MYO1D: variants seen among roughly 807,000 people sequenced by gnomAD.
The protein encoded by MYO1D is myosin ID.
A neutral mutation model predicts 122.0 loss-of-function variants in MYO1D; 83 were observed. The observed-to-expected ratio is 0.68, with a 90% CI of 0.57 to 0.82. MYO1D has a LOEUF of 0.82. MYO1D is among the 40% of genes least tolerant of loss of function. MYO1D has a pLI of 0.00. For synonymous variants in MYO1D, 464 were observed against 446.9 expected (o/e 1.04, Z -0.48); for missense variants, 1,157 against 1,269.5 (o/e 0.91, Z 1.35).
At chr17:32,622,390 G>C (rs1056492276) in intron 20 of MYO1D, among the ~76,000 whole-genome samples, 23 of 152,192 alleles carry the variant, frequency 1.5e-4, no homozygotes, top group Admixed American at 5.2e-4. Context: ...AGTGTTCTGG[G>C]AACAAGAGAG....
intron 16 of MYO1D, among the ~76,000 whole-genome samples, chr17:32,707,518 C>T (rs1170069106): frequency 6.6e-6 from 1 of 151,638 alleles, no homozygotes; most frequent in Non-Finnish European, 1.5e-5. Flanking sequence ...GTATGGAAGG[C>T]TACATGTATA....
chr17:32,764,161 A>C (rs1016098332), intron 8 of MYO1D, among the ~76,000 whole-genome samples: 1 of 152,222 alleles, frequency 6.6e-6, no homozygotes, highest in Non-Finnish European at 1.5e-5. Flanking sequence ...AAGTGAAATA[A>C]GCCAGGCACA....
chr17:32,845,681 G>A (rs1374038627), intron 1 of MYO1D, among the ~76,000 whole-genome samples: 2 of 152,100 alleles, frequency 1.3e-5, no homozygotes, highest in Non-Finnish European at 2.9e-5. Context: ...TAAATTAAAG[G>A]GAAATAAAAA....
chr17:32,855,378 T>C (rs1055708204), intron 1 of MYO1D, among the ~76,000 whole-genome samples: 6 of 152,182 alleles, frequency 3.9e-5, no homozygotes, highest in Non-Finnish European at 8.8e-5. Context: ...TCTTACACCA[T>C]AGATTAGTGT....
chr17:32,651,284 T>C (rs1245499466), intron 19 of MYO1D, among the ~76,000 whole-genome samples: 1 of 152,232 alleles, frequency 6.6e-6, no homozygotes, highest in Non-Finnish European at 1.5e-5. Context: ...TTTCCCAGCC[T>C]TGAGTTATTT....
chr17:32,547,238 GTCT>G (rs775477986), intron 21 of MYO1D, among the ~76,000 whole-genome samples: 35 of 152,102 alleles, frequency 2.3e-4, no homozygotes, highest in Non-Finnish European at 4.4e-4. Context: ...CAGCAATCAA[GTCT>G]TTTTTCATAT....
chr17:32,610,617 T>C (rs2150918255), intron 20 of MYO1D, among the ~76,000 whole-genome samples: 1 of 152,320 alleles, frequency 6.6e-6, no homozygotes, highest in African/African-American at 2.4e-5. Context: ...AGGTGCCTTG[T>C]CTACCTTGCA....
At chr17:32,725,475 C>A (rs369910517) in intron 14 of MYO1D, among the ~76,000 whole-genome samples, 1 of 151,046 alleles carries the variant, frequency 6.6e-6, no homozygotes, top group Non-Finnish European at 1.5e-5. Context: ...GAGCTGAGAT[C>A]GCGCCACTGC....
intron 16 of MYO1D, among the ~76,000 whole-genome samples, chr17:32,702,129 A>G (rs1035207939): frequency 6.6e-6 from 1 of 152,206 alleles, no homozygotes; most frequent in Non-Finnish European, 1.5e-5. Context: ...TAATCCTGAT[A>G]TAAGAACAGA....
At chr17:32,517,720 C>G (rs1220455299) in intron 21 of MYO1D, among the ~76,000 whole-genome samples, 3 of 152,158 alleles carry the variant, frequency 2.0e-5, no homozygotes, top group African/African-American at 7.2e-5. Context: ...CAATTAGCTG[C>G]CTGGGAACTG....
At position 32,614,291 on chromosome 17, in the gene MYO1D, A is replaced by T. The variant is rs556517477; in HGVS notation, c.2710-9050T>A. ...CACCCCGTCCAAAGCTATGCCTGAC[A>T]CACAAAGAACTTTCATGAAATTGTA... On this transcript the variant is annotated intron_variant, in intron 20 of 21. Transcript: ENST00000318217. Among the ~76,000 whole-genome samples the T allele has an allele frequency of 1.4e-4, 19 of 139,984 alleles. No homozygotes were observed. The South Asian group carries it at 4.1e-3, about 30-fold the overall frequency. The allele number at this position is 139,984 out of a possible 152,430, so 91.8% of individuals were successfully genotyped here.
chr17:32,785,545 A>G (rs1432726136), intron 1 of MYO1D, among the ~76,000 whole-genome samples: 4 of 152,154 alleles, frequency 2.6e-5, no homozygotes, highest in South Asian at 2.1e-4. Context: ...GCCTTTCACT[A>G]TCTCCTTAGA....
chr17:32,534,776 C>T (rs563821225), intron 21 of MYO1D, among the ~76,000 whole-genome samples: 1 of 152,242 alleles, frequency 6.6e-6, no homozygotes, highest in South Asian at 2.1e-4. Flanking sequence ...AAATCCCCCC[C>T]TTTTTCTCTT....
chr17:32,767,104 T>C (rs1000768503), intron 7 of MYO1D, among the ~76,000 whole-genome samples: 1 of 152,232 alleles, frequency 6.6e-6, no homozygotes, highest in African/African-American at 2.4e-5. Context: ...ATTATATAAA[T>C]GTTAATGAAA....
At chr17:32,596,648 GA>G (rs1177540123) in intron 21 of MYO1D, among the ~76,000 whole-genome samples, 1 of 152,200 alleles carries the variant, frequency 6.6e-6, no homozygotes, top group Non-Finnish European at 1.5e-5. Flanking sequence ...AGATATTAAA[GA>G]AGAACAAGAA....
intron 21 of MYO1D, among the ~76,000 whole-genome samples, chr17:32,545,086 T>C (rs747449760): frequency 1.3e-5 from 2 of 152,166 alleles, no homozygotes; most frequent in Non-Finnish European, 2.9e-5. Flanking sequence ...AAGGTCTTTG[T>C]TCCATCTTGC....
intron 21 of MYO1D, among the ~76,000 whole-genome samples, chr17:32,582,581 C>T (rs1264159433): frequency 6.6e-6 from 1 of 152,104 alleles, no homozygotes; most frequent in Non-Finnish European, 1.5e-5. Flanking sequence ...ATGGTCTATT[C>T]TGGCAAATAT....
intron 21 of MYO1D, chr17:32,495,497 A>G (rs1597855394): frequency 6.6e-6 from 1 of 152,324 alleles, no homozygotes; most frequent in African/African-American, 2.4e-5. Context: ...GGCTGCAGGG[A>G]ACCCTGTGCA....
rs1016648040 is a variant in MYO1D, at chr17:32,751,680, C to T, written c.1468-2674G>A. ...CAATCCCATTTACAATATCCACAAACACTCACACAAAAGAAAACCCTAGGA... is the reference window on the plus strand; with the variant it reads ...CAATCCCATTTACAATATCCACAAATACTCACACAAAAGAAAACCCTAGGA... On this transcript the variant is annotated intron_variant, in intron 11 of 21. Transcript: ENST00000318217. 2.0e-5 allele frequency among the ~76,000 whole-genome samples: 3 copies of T among 152,042 alleles called. No homozygotes were observed. The East Asian group carries it at 5.8e-4, about 29-fold the overall frequency.
Sources: gnomAD v4.1 joint callset for allele counts (sites outside exome capture counted in the v4.1 genomes callset) on GRCh38, gnomAD v4.1.1 for gene constraint, MANE v1.5 for transcripts, NCBI Gene and HGNC (gene_info 2026-07-23, HGNC 2026-07-21) for gene names.